Variants in TRANK1 observed in about 807,000 individuals in gnomAD.
The protein encoded by TRANK1 is tetratricopeptide repeat and ankyrin repeat containing 1.
A neutral mutation model predicts 266.0 loss-of-function variants in TRANK1; 198 were observed. The observed-to-expected ratio is 0.74, with a 90% CI of 0.66 to 0.84. The LOEUF (loss-of-function observed/expected upper bound fraction) is 0.84, where lower values mean the gene tolerates loss of function less well. Ranked by LOEUF, TRANK1 falls within the 40% of genes least tolerant of loss-of-function variation. The pLI is 0.00. For missense variants in TRANK1, 3,326 were observed against 3,634.6 expected, an observed-to-expected ratio of 0.92 and a Z score of 2.18; for synonymous variants, 1,396 against 1,384.1, an observed-to-expected ratio of 1.01 and a Z score of -0.19.
chr3:36,890,845 A>C (rs187946728), intron 7 of TRANK1, among the ~76,000 whole-genome samples: 2 of 152,292 alleles, frequency 1.3e-5, no homozygotes, highest in African/African-American at 4.8e-5. Flanking sequence ...TACCACCTTG[A>C]AGGCTCAATC....
In TRANK1 at chr3:36,914,141, G is replaced by T. The variant is rs1056852820; in HGVS notation, c.24-5687C>A. ...CTGTTTTTGGGTTTGTTTTGTTTTT[G>T]TTTTTTTTTTGAGACTGAGTCTCAC... On this transcript the variant is annotated intron_variant, in intron 1 of 23. Coordinates refer to ENST00000645898, the MANE Select transcript of TRANK1 (RefSeq NM_001329998.2). Among the ~76,000 whole-genome samples, 3 of 147,836 alleles carry T rather than the reference G, an allele frequency of 2.0e-5. No individual in the cohort carries two copies. The Admixed American group carries it at 2.0e-4, about 10-fold the overall frequency.
chr3:36,916,026 C>T (rs2080119457), intron 1 of TRANK1, among the ~76,000 whole-genome samples: 1 of 152,172 alleles, frequency 6.6e-6, no homozygotes, highest in Non-Finnish European at 1.5e-5. Context: ...CTAAATGCAA[C>T]TGGGAAAGCA....
At chr3:36,862,476 G>GCATTTGCA (rs2125554896) in intron 10 of TRANK1, among the ~76,000 whole-genome samples, 2 of 152,170 alleles carry the variant, frequency 1.3e-5, no homozygotes, top group South Asian at 4.2e-4. Flanking sequence ...ATTTAAATCG[G>GCATTTGCA]CATTTGCAAT....
In TRANK1 at chr3:36,930,946, T is replaced by A. The variant is rs576774656; in HGVS notation, c.23+13841A>T. 2.2e-3 allele frequency among the ~76,000 whole-genome samples: 330 copies of A among 152,216 alleles called. 5 individuals are homozygous for A. Among genetic ancestry groups the A allele is most frequent in the Non-Finnish European group, 6.0e-4 (41 of 68,014 alleles). ...TATTACATGCAAATATCTCATTTTT[T>A]AAAAAGCACCGAGAAAAAGAAAAGC... On this transcript the variant is annotated intron_variant, in intron 1 of 23. Coordinates refer to ENST00000645898, the MANE Select transcript of TRANK1 (RefSeq NM_001329998.2).
intron 2 of TRANK1, among the ~76,000 whole-genome samples, chr3:36,905,196 G>C (rs1025973712): frequency 3.3e-5 from 5 of 151,822 alleles, no homozygotes; most frequent in Non-Finnish European, 7.4e-5. Flanking sequence ...GCTGAGGCAG[G>C]AGAATGGCGT....
chr3:36,856,514 C>T lies in TRANK1; in HGVS notation c.3208G>A (p.Glu1070Lys), dbSNP rs1326284623. 1 of 1,613,986 alleles carries T rather than the reference C, an allele frequency of 6.2e-7. No individual in the cohort carries two copies. Among genetic ancestry groups the T allele is most frequent in the Admixed American group, 1.7e-5 (1 of 60,024 alleles). ...AVIDLNPRPL[E>K]PIILIGRSGT... Reference sequence around the variant, plus strand: ...CTTCGCCCAATAAGGATGATGGGCTCCAGTGGCCTGGGATTGAGGTCGATC... The same window carrying T: ...CTTCGCCCAATAAGGATGATGGGCTTCAGTGGCCTGGGATTGAGGTCGATC... Residue 1070 changes from glutamate (E) to lysine (K), a missense_variant, in exon 13 of 24, where the codon GAG becomes AAG. Transcript: ENST00000645898.
chr3:36,892,320 A>G lies in TRANK1; in HGVS notation c.657T>C (p.Leu219=), dbSNP rs1441891478. ...SLFEKYVFIG[L]YEKMEQVPKL... ...TGGGCACTTGTTCCATCTTCTCATA[A>G]AGTCCAATGAAAACGTATTTCTGGG... The change falls in exon 7 of 24, where the codon CTT becomes CTC. Residue 219 remains leucine (L), a synonymous_variant. Transcript: ENST00000645898. 3.9e-6 allele frequency: 6 copies of G among 1,537,200 alleles called. No homozygotes were observed. In the South Asian group the frequency reaches 7.1e-5, roughly 18 times the overall value.
chr3:36,904,617 T>A (rs980489378), intron 2 of TRANK1, among the ~76,000 whole-genome samples: 19 of 151,856 alleles, frequency 1.3e-4, no homozygotes, highest in Admixed American at 1.1e-3. Flanking sequence ...CACAAAAATA[T>A]TAATAAACAA....
In TRANK1 at chr3:36,889,972, TA is replaced by T; in HGVS notation, c.776-13del. ...AAGATGGTTTTCTCCTGAAGGGAATTAAAATGACTTACTAATGTTTTCCACA... is the reference window on the plus strand; with the variant it reads ...AAGATGGTTTTCTCCTGAAGGGAATTAAATGACTTACTAATGTTTTCCACA... On this transcript the variant is annotated splice_polypyrimidine_tract_variant and intron_variant, in intron 7 of 23. Coordinates refer to ENST00000645898, the MANE Select transcript of TRANK1 (RefSeq NM_001329998.2). 1 of 1,535,872 alleles carries T rather than the reference TA, an allele frequency of 6.5e-7. No homozygotes were observed. The highest frequency in any genetic ancestry group is 8.7e-7 in the Non-Finnish European group (1 of 1,146,312).
At chr3:36,917,253 C>A (rs1177704621) in intron 1 of TRANK1, among the ~76,000 whole-genome samples, 6 of 151,942 alleles carry the variant, frequency 3.9e-5, no homozygotes, top group African/African-American at 1.5e-4. Flanking sequence ...CTATAAAGCA[C>A]ATAAATTTGG....
intron 9 of TRANK1, 99 bp from the exon 10 acceptor site, chr3:36,864,579 T>C: frequency 8.7e-7 from 1 of 1,149,894 alleles, no homozygotes; most frequent in Non-Finnish European, 1.2e-6. Context: ...CATACTCACA[T>C]GCTGTGCAGT....
intron 1 of TRANK1, among the ~76,000 whole-genome samples, chr3:36,924,767 A>G (rs1274470741): frequency 6.6e-6 from 1 of 152,148 alleles, no homozygotes; most frequent in Non-Finnish European, 1.5e-5. Flanking sequence ...AAAGCACCTC[A>G]ACTGAATAAA....
intron 15 of TRANK1, chr3:36,851,428 A>C: frequency 8.9e-7 from 1 of 1,124,416 alleles, no homozygotes; most frequent in Non-Finnish European, 1.1e-6. Context: ...CTGGGAGCCA[A>C]GGATAACAGT....
At chr3:36,865,952 GAGAGACAGAGAGAGAC>G (rs1174024187) in intron 9 of TRANK1, among the ~76,000 whole-genome samples, 3 of 150,514 alleles carry the variant, frequency 2.0e-5, no homozygotes, top group African/African-American at 4.9e-5. Context: ...GAGAGAGAGA[GAGAGACAGAGAGAGAC>G]AGAGACAGAG....
chr3:36,837,613 T>C (rs2078787678), intron 20 of TRANK1, among the ~76,000 whole-genome samples: 1 of 152,214 alleles, frequency 6.6e-6, no homozygotes, highest in Non-Finnish European at 1.5e-5. Context: ...TCCATCACAG[T>C]TGATATGTTA....
chr3:36,856,210 C>T lies in TRANK1; in HGVS notation c.3512G>A (p.Gly1171Glu). 1 of 1,613,892 alleles carries T rather than the reference C, an allele frequency of 6.2e-7. No homozygotes were observed. Among genetic ancestry groups the T allele is most frequent in the Non-Finnish European group, 8.5e-7 (1 of 1,179,864 alleles). The stretch of plus-strand genomic sequence containing the variant: ...ACATACTTCTGCAGCTTGGCCGTCC[C>T]CTGCTGGCTCCACACCGGCTCCTCC... ...CAGGAGVEPA[G>E]DGQAAEVCAP... Residue 1171 changes from glycine (G) to glutamate (E), a missense_variant, in exon 13 of 24, where the codon GGG (glycine) becomes GAG (glutamate). Physicochemically the swap from Gly to Glu is moderately conservative, Grantham distance 98 (BLOSUM62 -2). Coordinates refer to ENST00000645898, the MANE Select transcript of TRANK1 (RefSeq NM_001329998.2).
At chr3:36,851,877 AT>A (rs2078988972) in intron 14 of TRANK1, 21 bp from the exon 15 acceptor site, 1 of 1,572,200 alleles carries the variant, frequency 6.4e-7, no homozygotes, top group Non-Finnish European at 8.6e-7. Flanking sequence ...ACAAAAGAAC[AT>A]CAAATTCTAC....
chr3:36,843,390 G>T lies in TRANK1; in HGVS notation c.5192-680C>A, dbSNP rs549873249. ...CAAGTGGCTCTTAGCAAGCTCCCAGGCCAGGGCTTCAGCAAGAAAAAAAAG... is the reference window on the plus strand; with the variant it reads ...CAAGTGGCTCTTAGCAAGCTCCCAGTCCAGGGCTTCAGCAAGAAAAAAAAG... On this transcript the variant is annotated intron_variant, in intron 17 of 23. Transcript: ENST00000645898. Among the ~76,000 whole-genome samples, 5 of 152,106 alleles carry T rather than the reference G, an allele frequency of 3.3e-5. No homozygotes were observed. In the South Asian group the frequency reaches 1.0e-3, roughly 32 times the overall value.
chr3:36,838,668 A>AC lies in TRANK1; in HGVS notation c.5328dup (p.Leu1777ValfsTer6). 1 of 1,613,896 alleles carries AC rather than the reference A, an allele frequency of 6.2e-7. No homozygotes were observed. The highest frequency in any genetic ancestry group is 8.5e-7 in the Non-Finnish European group (1 of 1,179,848). On this transcript the variant is annotated frameshift_variant, in exon 19 of 24. Coordinates refer to ENST00000645898, the MANE Select transcript of TRANK1 (RefSeq NM_001329998.2). LOFTEE classifies it high-confidence loss of function. ...AGGGCAGTGTCATGGGCCAGGGCCAACTTCTCCTTCTCAAATGCACCTCCT... is the reference window on the plus strand; with the variant it reads ...AGGGCAGTGTCATGGGCCAGGGCCAACCTTCTCCTTCTCAAATGCACCTCCT...
Sources: gnomAD v4.1 joint callset for allele counts (sites outside exome capture counted in the v4.1 genomes callset) on GRCh38, gnomAD v4.1.1 for gene constraint, MANE v1.5 for transcripts, NCBI Gene and HGNC (gene_info 2026-07-23, HGNC 2026-07-21) for gene names.